The following SLC25A26 variants were observed in gnomAD, a reference collection of about 807,000 sequenced individuals.
SLC25A26 encodes the protein mitochondrial S-adenosylmethionine carrier protein.
SLC25A26 carries 36 observed loss-of-function variants against 37.8 expected under a neutral mutation model. The ratio of observed to expected loss-of-function variants is 0.95; its 90% CI spans 0.73 to 1.26. The LOEUF is 1.26. Ranked by LOEUF, SLC25A26 falls within the 50% of genes most tolerant of loss-of-function variation. SLC25A26 has a pLI of 0.00. For synonymous variants in SLC25A26, 129 were observed against 122.5 expected, an observed-to-expected ratio of 1.05 and a Z score of -0.35; for missense variants, 390 against 331.1, an observed-to-expected ratio of 1.18 and a Z score of -1.38.
intron 3 of SLC25A26, among the ~76,000 whole-genome samples, chr3:66,256,924 G>A (rs332350): frequency 0.18 from 27,538 of 152,010 alleles, 3,002 homozygotes; most frequent in African/African-American, 0.32. Flanking sequence ...TCTAAAGTAT[G>A]GAGAAGTCAT....
chr3:66,326,488 C>A (rs536726393), intron 5 of SLC25A26, among the ~76,000 whole-genome samples: 32 of 152,308 alleles, frequency 2.1e-4, no homozygotes, highest in African/African-American at 7.5e-4. Context: ...GCTTTGCTGG[C>A]CTCCTGGGCC....
rs189713371 is a variant in SLC25A26 at position 66,255,007 on chromosome 3, T to A, written c.301-7044T>A. Among the ~76,000 whole-genome samples, 3 of 152,358 alleles carry A rather than the reference T, an allele frequency of 2.0e-5. No individual in the cohort carries two copies. The South Asian group carries it at 6.2e-4, about 32-fold the overall frequency. ...GTGTTGAAGGAAGGGAACTTGGCTGTGGCAATGAAAGAACCAGGGGTTTTA... is the reference window on the plus strand; with the variant it reads ...GTGTTGAAGGAAGGGAACTTGGCTGAGGCAATGAAAGAACCAGGGGTTTTA... On this transcript the variant is annotated intron_variant, in intron 3 of 9. Coordinates refer to ENST00000354883, the MANE Select transcript of SLC25A26 (RefSeq NM_001379210.1).
chr3:66,369,370 C>T, intron 7 of SLC25A26, 108 bp from the exon 8 acceptor site: 2 of 607,320 alleles, frequency 3.3e-6, no homozygotes, highest in Non-Finnish European at 5.8e-6. Context: ...TTCAATCAGC[C>T]AGGTGTACAT....
intron 5 of SLC25A26, among the ~76,000 whole-genome samples, chr3:66,285,216 A>G (rs1261205932): frequency 6.6e-6 from 1 of 151,908 alleles, no homozygotes; most frequent in Non-Finnish European, 1.5e-5. Context: ...GTAATGAGGT[A>G]TATAAAAATA....
chr3:66,169,802 A>T (rs542630113), intron 1 of SLC25A26, among the ~76,000 whole-genome samples: 153 of 152,366 alleles, frequency 1.0e-3, no homozygotes, highest in African/African-American at 3.5e-3. Flanking sequence ...GAATCAAAAA[A>T]TGATTGCAGA....
chr3:66,371,311 C>G, intron 9 of SLC25A26: 1 of 1,549,964 alleles, frequency 6.5e-7, no homozygotes, highest in Non-Finnish European at 8.7e-7. Flanking sequence ...AGTGCCACCT[C>G]CTCATCCTGA....
intron 3 of SLC25A26, among the ~76,000 whole-genome samples, chr3:66,253,213 C>G (rs1217501556): frequency 3.3e-5 from 5 of 151,548 alleles, no homozygotes; most frequent in Admixed American, 2.0e-4. Context: ...CAAGACCGTC[C>G]TGGCTAACAC....
At chr3:66,251,179 C>T (rs2073069542) in intron 3 of SLC25A26, among the ~76,000 whole-genome samples, 1 of 152,070 alleles carries the variant, frequency 6.6e-6, no homozygotes, top group Admixed American at 6.5e-5. Flanking sequence ...AGCTATAGGG[C>T]CTTGCCTGCT....
At chr3:66,260,084 C>G (rs574235178) in intron 3 of SLC25A26, among the ~76,000 whole-genome samples, 3 of 152,108 alleles carry the variant, frequency 2.0e-5, no homozygotes, top group African/African-American at 7.2e-5. Context: ...CAGCTCATTC[C>G]GGCTCATCCA....
chr3:66,137,217 C>CTTTTTTTTTTTTTT (rs528438794), intron 1 of SLC25A26, among the ~76,000 whole-genome samples: 1 of 118,838 alleles, frequency 8.4e-6, no homozygotes, highest in Non-Finnish European at 1.7e-5. Context: ...GATTTTCTTT[C>CTTTTTTTTTTTTTT]TTTTTTTTTT....
At chr3:66,346,474 G>GAAGATTAGA in intron 6 of SLC25A26, 66 bp downstream of exon 6, 1 of 765,586 alleles carries the variant, frequency 1.3e-6, no homozygotes, top group Non-Finnish European at 2.0e-6. Context: ...TTTGAGTGTG[G>GAAGATTAGA]AAGAGTAGAA....
In SLC25A26 at chr3:66,378,189, C is replaced by CTTCT; in HGVS notation, c.*384_*385insCTTT. The stretch of plus-strand genomic sequence containing the variant: ...GATGGTTATAATTCTAAAAGAATAG[C>CTTCT]TTGTTTGTTTGTTTGGGAAAAGGAG... On this transcript the variant is annotated 3_prime_UTR_variant, in exon 10 of 10. Transcript: ENST00000354883. The CTTCT allele has an allele frequency of 6.4e-6, 1 of 156,698 alleles. No homozygotes were observed. The highest frequency in any genetic ancestry group is 2.4e-5 in the African/African-American group (1 of 41,624). 9.7% of individuals were successfully genotyped at this position (156,698 alleles called of 1,614,324 possible).
intron 5 of SLC25A26, among the ~76,000 whole-genome samples, chr3:66,325,220 A>G (rs2075806783): frequency 6.6e-6 from 1 of 152,188 alleles, no homozygotes; most frequent in South Asian, 2.1e-4. Context: ...AATAAAAGAT[A>G]GCCAGAATAA....
At position 66,378,269 on chromosome 3, in the gene SLC25A26, T is replaced by G. The variant is rs1700798101; in HGVS notation, c.*462T>G. 1 of 153,490 alleles carries G rather than the reference T, an allele frequency of 6.5e-6. No individual in the cohort carries two copies. The highest frequency in any genetic ancestry group is 1.5e-5 in the Non-Finnish European group (1 of 68,656). The allele number at this position is 153,490 out of a possible 1,614,324, so 9.5% of individuals were successfully genotyped here. On this transcript the variant is annotated 3_prime_UTR_variant, in exon 10 of 10. Coordinates refer to ENST00000354883, the MANE Select transcript of SLC25A26 (RefSeq NM_001379210.1). ...TTCTCCCCCTAGTTAATTCCTGTTG[T>G]GTAAGGGTAGGCTTTGTTGAAAAAG...
intron 5 of SLC25A26, among the ~76,000 whole-genome samples, chr3:66,334,338 A>G (rs1350882109): frequency 2.0e-5 from 3 of 152,118 alleles, no homozygotes; most frequent in Non-Finnish European, 2.9e-5. Flanking sequence ...GTTTTGAGAC[A>G]GAGTCTTGCT....
intron 5 of SLC25A26, among the ~76,000 whole-genome samples, chr3:66,342,236 C>T (rs574288257): frequency 3.9e-5 from 6 of 152,112 alleles, no homozygotes; most frequent in African/African-American, 2.4e-5. Flanking sequence ...AGAGGTCTTG[C>T]ACACGGTTTC....
intron 1 of SLC25A26, among the ~76,000 whole-genome samples, chr3:66,180,171 A>G (rs533472283): frequency 6.6e-6 from 1 of 152,358 alleles, no homozygotes; most frequent in African/African-American, 2.4e-5. Context: ...TTCCAGGAAC[A>G]GACTGGGAGG....
intron 1 of SLC25A26, among the ~76,000 whole-genome samples, chr3:66,144,494 T>G (rs2070085611): frequency 6.6e-6 from 1 of 152,228 alleles, no homozygotes; most frequent in Admixed American, 6.5e-5. Flanking sequence ...CAATTTATTT[T>G]GCATCAACTG....
At chr3:66,357,051 T>G (rs1310859825) in intron 6 of SLC25A26, among the ~76,000 whole-genome samples, 1 of 152,240 alleles carries the variant, frequency 6.6e-6, no homozygotes, top group Admixed American at 6.5e-5. Flanking sequence ...TAAGAAAAAT[T>G]ACCGAAGTGA....
Sources: gnomAD v4.1 joint callset for allele counts (sites outside exome capture counted in the v4.1 genomes callset) on GRCh38, gnomAD v4.1.1 for gene constraint, MANE v1.5 for transcripts, NCBI Gene and HGNC (gene_info 2026-07-23, HGNC 2026-07-21) for gene names.